Variants in ASNS observed in about 807,000 individuals in gnomAD.
The protein encoded by ASNS is asparagine synthetase [glutamine-hydrolyzing].
A neutral mutation model predicts 62.6 loss-of-function variants in ASNS; 37 were observed. The ratio of observed to expected loss-of-function variants is 0.59; its 90% CI spans 0.45 to 0.78. ASNS has a LOEUF of 0.78. Ranked by LOEUF, ASNS falls within the 30% of genes least tolerant of loss-of-function variation. ASNS has a pLI of 0.00. For missense variants in ASNS, 520 were observed against 682.4 expected (o/e 0.76, Z 2.65); for synonymous variants, 207 against 237.9 (o/e 0.87, Z 1.19).
the ASNS span, among the ~76,000 whole-genome samples, chr7:97,894,470 T>G: frequency 1.3e-5 from 1 of 79,840 alleles, no homozygotes; most frequent in African/African-American, 5.4e-5. Flanking sequence ...AAACCACTAG[T>G]GAGGCTAACC....
the ASNS span, among the ~76,000 whole-genome samples, chr7:97,889,307 A>C: frequency 6.6e-6 from 1 of 152,328 alleles, no homozygotes; most frequent in South Asian, 2.1e-4. Flanking sequence ...TCACGAGGTC[A>C]GGAGTTCGAG....
the ASNS span, among the ~76,000 whole-genome samples, chr7:97,925,023 G>T: frequency 0.078 from 11,653 of 149,440 alleles, 909 homozygotes; most frequent in African/African-American, 0.2. Context: ...TGTAATCCCA[G>T]CTACTCGGGA....
At chr7:97,883,710 G>C in the ASNS span, among the ~76,000 whole-genome samples, 7 of 152,248 alleles carry the variant, frequency 4.6e-5, 1 homozygote, top group Admixed American at 4.6e-4. Flanking sequence ...AAGCTCGGCC[G>C]GGCGCGGTGG....
At chr7:97,902,722 A>AAACAAC in the ASNS span, among the ~76,000 whole-genome samples, 2 of 151,892 alleles carry the variant, frequency 1.3e-5, no homozygotes, top group African/African-American at 2.4e-5. Context: ...TCCTGCCTCA[A>AAACAAC]AACAACAACA....
At chr7:97,874,578 A>T (rs1465369541), upstream of ASNS, among the ~76,000 whole-genome samples, 4 of 152,260 alleles carry the variant, frequency 2.6e-5, no homozygotes, top group East Asian at 7.7e-4. Flanking sequence ...TTACAAAAGT[A>T]TTAATTTGGG....
the ASNS span, among the ~76,000 whole-genome samples, chr7:97,905,253 A>G: frequency 3.9e-5 from 6 of 152,144 alleles, no homozygotes; most frequent in Non-Finnish European, 8.8e-5. Flanking sequence ...CTTCCTGCTC[A>G]GCCTGGACCT....
At chr7:97,880,884 G>A in the ASNS span, among the ~76,000 whole-genome samples, 2 of 152,162 alleles carry the variant, frequency 1.3e-5, no homozygotes, top group East Asian at 1.9e-4. Context: ...ATCCCTTGGG[G>A]ATGAAACATG....
the ASNS span, among the ~76,000 whole-genome samples, chr7:97,888,116 G>C: frequency 7.9e-5 from 12 of 152,156 alleles, no homozygotes; most frequent in Admixed American, 7.9e-4. Flanking sequence ...TAAGACTACA[G>C]ACATGTGCCA....
At chr7:97,900,404 G>A in the ASNS span, among the ~76,000 whole-genome samples, 3 of 149,444 alleles carry the variant, frequency 2.0e-5, no homozygotes, top group African/African-American at 4.9e-5. Flanking sequence ...ACAAGTTTTG[G>A]TGAGGATGCA....
Position 97,854,561 on chromosome 7 carries a change from T to C in ASNS, c.1238+19A>G, listed in dbSNP as rs1791343482. On this transcript the variant is annotated intron_variant, in intron 10 of 12. Transcript: ENST00000394308. Reference sequence around the variant, plus strand: ...GTGTTTTTTTGTTTTTGTTTTACAATAGCCTCTAAAAATATTACCCATGGG... The same window carrying C: ...GTGTTTTTTTGTTTTTGTTTTACAACAGCCTCTAAAAATATTACCCATGGG... The C allele has an allele frequency of 6.2e-7, 1 of 1,603,112 alleles. No individual in the cohort carries two copies. Among genetic ancestry groups the C allele is most frequent in the African/African-American group, 1.3e-5 (1 of 74,216 alleles).
the ASNS span, among the ~76,000 whole-genome samples, chr7:97,922,700 T>C: frequency 2.0e-5 from 3 of 152,236 alleles, no homozygotes; most frequent in African/African-American, 4.8e-5. Context: ...TACATAATTT[T>C]TGTCAATTAA....
the ASNS span, among the ~76,000 whole-genome samples, chr7:97,920,701 G>A: frequency 2.6e-5 from 4 of 152,254 alleles, no homozygotes; most frequent in Non-Finnish European, 5.9e-5. Flanking sequence ...AAGGAGGGCT[G>A]TGTAGGAAGC....
chr7:97,920,605 G>T, the ASNS span, among the ~76,000 whole-genome samples: 4 of 152,330 alleles, frequency 2.6e-5, no homozygotes, highest in South Asian at 6.2e-4. Flanking sequence ...AGGGGGAAAG[G>T]CTGCCCCCAG....
chr7:97,853,046 T>C lies in ASNS; in HGVS notation c.1476+14A>G. The C allele has an allele frequency of 6.5e-7, 1 of 1,532,770 alleles. No individual in the cohort carries two copies. Among genetic ancestry groups the C allele is most frequent in the Non-Finnish European group, 8.8e-7 (1 of 1,142,852 alleles). 94.9% of individuals were successfully genotyped at this position (1,532,770 alleles called of 1,614,324 possible). ...ACTGTCTTATTCCTGAAAATGTTTT[T>C]AAAGACATTATACCTGATGTTCAAC... On this transcript the variant is annotated intron_variant, in intron 12 of 12. Coordinates refer to ENST00000394308, the MANE Select transcript of ASNS (RefSeq NM_001673.5).
At chr7:97,881,066 A>G in the ASNS span, among the ~76,000 whole-genome samples, 6 of 152,056 alleles carry the variant, frequency 3.9e-5, no homozygotes, top group African/African-American at 1.5e-4. Flanking sequence ...TCAGCCTCCC[A>G]AGTAGCTGGG....
upstream of ASNS, among the ~76,000 whole-genome samples, chr7:97,877,430 A>AC (rs1424879166): frequency 6.6e-6 from 1 of 152,126 alleles, no homozygotes; most frequent in Non-Finnish European, 1.5e-5. Flanking sequence ...TGGTGGATTT[A>AC]CCAGTGCAAA....
At chr7:97,872,695 G>C (rs977733467), upstream of ASNS, among the ~76,000 whole-genome samples, 5 of 152,236 alleles carry the variant, frequency 3.3e-5, no homozygotes, top group African/African-American at 1.2e-4. Flanking sequence ...TGTTCTTCGG[G>C]AAATCATCAC....
the ASNS span, among the ~76,000 whole-genome samples, chr7:97,883,812 C>A: frequency 6.6e-6 from 1 of 151,862 alleles, no homozygotes; most frequent in East Asian, 1.9e-4. Context: ...ACGTTGAAAC[C>A]CCGTCTCTAC....
chr7:97,887,312 T>C, the ASNS span, among the ~76,000 whole-genome samples: 2 of 152,164 alleles, frequency 1.3e-5, no homozygotes, highest in East Asian at 3.8e-4. Context: ...GCCAGAAGCA[T>C]TCAGGCACAA....
Sources: gnomAD v4.1 joint callset for allele counts (sites outside exome capture counted in the v4.1 genomes callset) on GRCh38, gnomAD v4.1.1 for gene constraint, MANE v1.5 for transcripts, NCBI Gene and HGNC (gene_info 2026-07-23, HGNC 2026-07-21) for gene names.